The following GHITM variants were observed in gnomAD, a reference collection of about 807,000 sequenced individuals.
The protein encoded by GHITM is growth hormone inducible transmembrane protein.
A neutral mutation model predicts 38.7 loss-of-function variants in GHITM; 24 were observed. The ratio of observed to expected loss-of-function variants is 0.62; its 90% CI spans 0.45 to 0.87. The LOEUF is 0.87. GHITM is among the 40% of genes least tolerant of loss of function. The pLI is 0.00. For missense variants in GHITM, 420 were observed against 429.8 expected (o/e 0.98, Z 0.20); for synonymous variants, 154 against 147.8 (o/e 1.04, Z -0.30).
chr10:84,140,742 A>G (rs1841498113), intron 1 of GHITM, among the ~76,000 whole-genome samples: 1 of 152,028 alleles, frequency 6.6e-6, no homozygotes, highest in Non-Finnish European at 1.5e-5. Context: ...TGGAGCTAAG[A>G]TAATCCAGTT....
intron 4 of GHITM, 88 bp from the exon 5 acceptor site, chr10:84,144,787 T>C (rs1318792375): frequency 1.3e-6 from 1 of 749,388 alleles, no homozygotes; most frequent in Non-Finnish European, 2.2e-6. Context: ...TGTAAAATGA[T>C]TTATCCCGAG....
chr10:84,148,881 A>G, intron 6 of GHITM, 43 bp downstream of exon 6: 1 of 1,195,496 alleles, frequency 8.4e-7, no homozygotes, highest in Non-Finnish European at 1.2e-6. Context: ...CTTGACTACC[A>G]CCTTTTTTGG....
At position 84,139,557 on chromosome 10, in the gene GHITM, A is replaced by T. The variant is rs1841483970; in HGVS notation, c.-76A>T. ...TTTGAGGCCGACGCTAGGGGCCCGG[A>T]AGGGAAACTGCGAGGCGAAGGTGAC... On this transcript the variant is annotated 5_prime_UTR_variant, in exon 1 of 9. Transcript: ENST00000372134. The T allele has an allele frequency of 6.6e-6, 1 of 152,264 alleles. No homozygotes were observed. The highest frequency in any genetic ancestry group is 2.4e-5 in the African/African-American group (1 of 41,450). The allele number at this position is 152,264 out of a possible 1,614,324, so 9.4% of individuals were successfully genotyped here. A position where few individuals can be genotyped will look rare whatever the true frequency, so the allele number is the denominator to read the frequency against.
chr10:84,150,935 T>TGACAGA, intron 8 of GHITM, 55 bp downstream of exon 8: 1 of 1,284,752 alleles, frequency 7.8e-7, no homozygotes, highest in Non-Finnish European at 1.1e-6. Flanking sequence ...GATGCTTGTG[T>TGACAGA]GTATTTGACC....
chr10:84,146,139 C>T (rs1246307321), intron 5 of GHITM, among the ~76,000 whole-genome samples: 1 of 152,062 alleles, frequency 6.6e-6, no homozygotes, highest in Non-Finnish European at 1.5e-5. Context: ...GTAGGAAAAC[C>T]TAATTTCAGA....
intron 5 of GHITM, among the ~76,000 whole-genome samples, chr10:84,148,381 C>T (rs1230403282): frequency 2.0e-5 from 3 of 152,162 alleles, no homozygotes; most frequent in African/African-American, 7.2e-5. Context: ...CAACCTCCAC[C>T]TCCCGGGTTC....
chr10:84,149,668 A>G (rs1397753727), intron 6 of GHITM, among the ~76,000 whole-genome samples: 1 of 152,218 alleles, frequency 6.6e-6, no homozygotes, highest in Non-Finnish European at 1.5e-5. Context: ...TTATCATCAT[A>G]TGCTTTCCCT....
chr10:84,146,854 G>T (rs1841561085), intron 5 of GHITM, among the ~76,000 whole-genome samples: 2 of 152,142 alleles, frequency 1.3e-5, no homozygotes, highest in African/African-American at 4.8e-5. Flanking sequence ...GTAACCTTTT[G>T]GGTGTGACAG....
chr10:84,153,451 C>T lies in GHITM; in HGVS notation c.*1103C>T, dbSNP rs989595167. On this transcript the variant is annotated 3_prime_UTR_variant, in exon 9 of 9. Coordinates refer to ENST00000372134, the MANE Select transcript of GHITM (RefSeq NM_014394.3). ...GAGGAAAATGCTTCATTAGTTTCCC[C>T]TAGCAGACTTTTACTTCTCTTACAC... 1.3e-5 allele frequency among the ~76,000 whole-genome samples: 2 copies of T among 152,164 alleles called. No homozygotes were observed. The highest frequency in any genetic ancestry group is 2.4e-5 in the African/African-American group (1 of 41,446).
In GHITM at chr10:84,146,969, C is replaced by G. The variant is rs577496788; in HGVS notation, c.484-1761C>G. Reference sequence around the variant, plus strand: ...ATCTTGCTCTTGGGCAGCCAGGGTACCTACTAGAAAAAGCTTTTGAGATGA... The same window carrying G: ...ATCTTGCTCTTGGGCAGCCAGGGTAGCTACTAGAAAAAGCTTTTGAGATGA... On this transcript the variant is annotated intron_variant, in intron 5 of 8. Coordinates refer to ENST00000372134, the MANE Select transcript of GHITM (RefSeq NM_014394.3). Among the ~76,000 whole-genome samples the G allele has an allele frequency of 6.6e-5, 10 of 152,204 alleles. No individual in the cohort carries two copies. The East Asian group carries it at 1.9e-3, about 29-fold the overall frequency.
intron 5 of GHITM, among the ~76,000 whole-genome samples, 170 bp downstream of exon 5, chr10:84,145,186 T>C (rs1344828318): frequency 2.0e-5 from 3 of 152,210 alleles, no homozygotes; most frequent in African/African-American, 7.2e-5. Flanking sequence ...CCAGAAATGC[T>C]CCAAAATCCA....
At chr10:84,142,045 A>C (rs1347691520) in intron 2 of GHITM, among the ~76,000 whole-genome samples, 1 of 152,376 alleles carries the variant, frequency 6.6e-6, no homozygotes, top group East Asian at 1.9e-4. Flanking sequence ...CAGGTTAGAA[A>C]GAAACCCATT....
At position 84,144,205 on chromosome 10, in the gene GHITM, T is replaced by C. The variant is rs1841534708; in HGVS notation, c.341+99T>C. ...ATTCCTATCTTTAGTCACTTTGGAA[T>C]GTTTTGTGTCTAGTCTTTGTGTATA... On this transcript the variant is annotated intron_variant, in intron 4 of 8. Transcript: ENST00000372134. The C allele has an allele frequency of 4.1e-6, 3 of 736,276 alleles. No homozygotes were observed. In the African/African-American group the frequency reaches 5.2e-5, roughly 13 times the overall value. 45.6% of individuals were successfully genotyped at this position (736,276 alleles called of 1,614,324 possible).
chr10:84,142,858 A>G (rs775645828), intron 3 of GHITM, 104 bp downstream of exon 3: 74 of 551,038 alleles, frequency 1.3e-4, no homozygotes, highest in Non-Finnish European at 2.3e-4. Flanking sequence ...ATTTTCTGGG[A>G]AGACCACATT....
chr10:84,150,734 C>A lies in GHITM; in HGVS notation c.807C>A (p.Thr269=). ...SLGSMFLPPT[T]VAGATLYSVA... ...GATCTATGTTTCTTCCACCTACCAC[C>A]GTGGCTGGTGCCACTCTTTACTCAG... Residue 269 remains threonine (T), a synonymous_variant, in exon 8 of 9, where the codon ACC becomes ACA. Coordinates refer to ENST00000372134, the MANE Select transcript of GHITM (RefSeq NM_014394.3). 1 of 1,608,404 alleles carries A rather than the reference C, an allele frequency of 6.2e-7. No homozygotes were observed.
chr10:84,150,107 C>T lies in GHITM; in HGVS notation c.645C>T (p.Leu215=). ...APLTILGGPL[L]IRAAWYTAGI... ...TGACAATATTAGGGGGTCCTCTTCT[C>T]ATCAGAGCTGCATGGTACACAGCTG... is the stretch of plus-strand genomic sequence containing the variant. Residue 215 remains leucine (L), a synonymous_variant, in exon 7 of 9, where the codon CTC becomes CTT. Coordinates refer to ENST00000372134, the MANE Select transcript of GHITM (RefSeq NM_014394.3). The T allele has an allele frequency of 6.2e-7, 1 of 1,612,970 alleles. No homozygotes were observed. Among genetic ancestry groups the T allele is most frequent in the Non-Finnish European group, 8.5e-7 (1 of 1,179,248 alleles).
intron 4 of GHITM, 105 bp downstream of exon 4, chr10:84,144,211 G>A (rs561815938): frequency 9.9e-6 from 7 of 705,476 alleles, no homozygotes; most frequent in South Asian, 1.7e-5. Context: ...GGAATGTTTT[G>A]TGTCTAGTCT....
intron 5 of GHITM, among the ~76,000 whole-genome samples, chr10:84,148,071 C>T (rs924424372): frequency 2.0e-5 from 3 of 151,906 alleles, no homozygotes; most frequent in Non-Finnish European, 2.9e-5. Context: ...AGTTAATTAT[C>T]TTGGGATCCC....
Position 84,152,296 on chromosome 10 carries a change from T to C in GHITM, c.986T>C (p.Ile329Thr), listed in dbSNP as rs753514091. 3 of 1,604,998 alleles carry C rather than the reference T, an allele frequency of 1.9e-6. No homozygotes were observed. Among genetic ancestry groups the C allele is most frequent in the South Asian group, 1.1e-5 (1 of 90,670 alleles). Residue 329 changes from isoleucine to threonine, a missense_variant, in exon 9 of 9, where the codon ATA (isoleucine) becomes ACA (threonine). Physicochemically the swap from Ile to Thr is moderately conservative, Grantham distance 89 (BLOSUM62 -1). Transcript: ENST00000372134. Reference protein sequence around the residue: ...MLSIYMDTLNIFMRVATMLAT... With the variant: ...MLSIYMDTLNTFMRVATMLAT... ...AGTATCTACATGGATACATTAAATA[T>C]ATTTATGCGAGTTGCAACTATGCTG...
Sources: gnomAD v4.1 joint callset for allele counts (sites outside exome capture counted in the v4.1 genomes callset) on GRCh38, gnomAD v4.1.1 for gene constraint, MANE v1.5 for transcripts, NCBI Gene and HGNC (gene_info 2026-07-23, HGNC 2026-07-21) for gene names.